HACL2: variants seen among roughly 807,000 people sequenced by gnomAD.
HACL2 encodes the protein 2-hydroxyacyl-CoA lyase 1 like.
At chr19:15,120,946 C>CA in the HACL2 span, among the ~76,000 whole-genome samples, 2 of 152,038 alleles carry the variant, frequency 1.3e-5, no homozygotes, top group South Asian at 2.1e-4. Flanking sequence ...CAAAACAAAA[C>CA]AAAAAAGGCA....
chr19:15,115,477 G>A, the HACL2 span: 48 of 1,600,930 alleles, frequency 3.0e-5, no homozygotes, highest in African/African-American at 3.2e-4. Context: ...TCAGCCCACC[G>A]CACATGCAGC....
chr19:15,118,334 T>C, the HACL2 span, among the ~76,000 whole-genome samples: 2 of 152,312 alleles, frequency 1.3e-5, no homozygotes, highest in East Asian at 3.9e-4. Flanking sequence ...TCCCCTTTCC[T>C]TGAAAGTGAC....
At chr19:15,118,880 C>G in the HACL2 span, among the ~76,000 whole-genome samples, 1 of 152,246 alleles carries the variant, frequency 6.6e-6, no homozygotes, top group South Asian at 2.1e-4. Context: ...CAAGTGCAGA[C>G]TCATGAATGA....
At chr19:15,120,109 G>A in the HACL2 span, 1 of 1,417,992 alleles carries the variant, frequency 7.1e-7, no homozygotes, top group Non-Finnish European at 9.7e-7. Context: ...AAGAAACCAA[G>A]TTGCCAGAAT....
the HACL2 span, chr19:15,119,336 C>T: frequency 6.2e-7 from 1 of 1,603,524 alleles, no homozygotes; most frequent in Non-Finnish European, 8.5e-7. Context: ...GTCAGTGTGG[C>T]CGGGGCCTCC....
the HACL2 span, chr19:15,116,345 C>T: frequency 6.2e-7 from 1 of 1,613,998 alleles, no homozygotes; most frequent in South Asian, 1.1e-5. Flanking sequence ...GCGAAGGTCA[C>T]CAGGGTTGGC....
At chr19:15,121,721 A>G in the HACL2 span, among the ~76,000 whole-genome samples, 1 of 151,078 alleles carries the variant, frequency 6.6e-6, no homozygotes, top group Non-Finnish European at 1.5e-5. Context: ...AGGCAGGAAA[A>G]TCACTTGAAC....
the HACL2 span, chr19:15,116,209 C>T: frequency 2.5e-6 from 4 of 1,613,790 alleles, no homozygotes; most frequent in Admixed American, 3.3e-5. Context: ...GCAGTGCCCA[C>T]GAAGTCCCCG....
chr19:15,123,367 G>A, the HACL2 span: 2 of 1,612,382 alleles, frequency 1.2e-6, no homozygotes, highest in Non-Finnish European at 1.7e-6. This position sits in a 1 kb window ranked among gnomAD's most constrained non-coding sequence, Gnocchi z 5.1. Context: ...TCTCTGCAAT[G>A]CCCTCACCGG....
At chr19:15,123,062 G>A in the HACL2 span, 17 of 1,608,894 alleles carry the variant, frequency 1.1e-5, no homozygotes, top group Admixed American at 5.0e-5. The surrounding 1 kb of genome is among the most constrained non-coding windows in gnomAD (Gnocchi z 5.1). Flanking sequence ...CAGGGTTATC[G>A]CATGAGCCCT....
the HACL2 span, chr19:15,122,893 T>C: frequency 1.2e-6 from 2 of 1,610,926 alleles, no homozygotes; most frequent in East Asian, 2.2e-5. The surrounding 1 kb of genome is among the most constrained non-coding windows in gnomAD (Gnocchi z 4.0). Context: ...TCCACCTACC[T>C]GGGGTGCCCG....
the HACL2 span, chr19:15,116,448 C>T: frequency 2.5e-6 from 4 of 1,613,860 alleles, no homozygotes; most frequent in African/African-American, 2.7e-5. Flanking sequence ...TCCCGCAGCT[C>T]CTCCACCCAG....
chr19:15,119,540 G>C, the HACL2 span: 9 of 1,586,298 alleles, frequency 5.7e-6, no homozygotes, highest in Non-Finnish European at 7.8e-6. Context: ...GGGGATCAAA[G>C]GGCTGTCTTT....
the HACL2 span, chr19:15,122,744 T>G: frequency 6.2e-7 from 1 of 1,614,138 alleles, no homozygotes; most frequent in Non-Finnish European, 8.5e-7. The surrounding 1 kb of genome is among the most constrained non-coding windows in gnomAD (Gnocchi z 4.0). Flanking sequence ...TGGCACCATC[T>G]CCTTCTGGAC....
chr19:15,118,888 T>C, the HACL2 span, among the ~76,000 whole-genome samples: 4 of 152,198 alleles, frequency 2.6e-5, no homozygotes, highest in Non-Finnish European at 5.9e-5. Context: ...GACTCATGAA[T>C]GAGCCCAGCC....
At chr19:15,116,465 G>A in the HACL2 span, 2 of 1,613,854 alleles carry the variant, frequency 1.2e-6, no homozygotes, top group South Asian at 1.1e-5. Context: ...CCAGTCTGGG[G>A]CCCAGGTCTG....
At chr19:15,122,736 G>C in the HACL2 span, 1 of 1,614,176 alleles carries the variant, frequency 6.2e-7, no homozygotes, top group Non-Finnish European at 8.5e-7. The surrounding 1 kb of genome is among the most constrained non-coding windows in gnomAD (Gnocchi z 4.0). Flanking sequence ...GGCTTGGCTG[G>C]CACCATCTCC....
chr19:15,120,009 CA>C, the HACL2 span: 1 of 1,550,434 alleles, frequency 6.4e-7, no homozygotes, highest in African/African-American at 1.4e-5. Flanking sequence ...GGGGGATGTC[CA>C]GGGGCAGCGG....
At chr19:15,115,030 T>C in the HACL2 span, 3 of 617,292 alleles carry the variant, frequency 4.9e-6, no homozygotes, top group Admixed American at 7.9e-5. Context: ...TCAGTCTCCA[T>C]AAGAGAGGGG....
Sources: gnomAD v4.1 joint callset for allele counts (sites outside exome capture counted in the v4.1 genomes callset) on GRCh38, gnomAD v4.1.1 for gene constraint, Gnocchi (gnomAD v3.1) non-coding constraint, MANE v1.5 for transcripts, NCBI Gene and HGNC (gene_info 2026-07-23, HGNC 2026-07-21) for gene names.